Variants in COL24A1 observed in about 807,000 individuals in gnomAD.
COL24A1 encodes the protein collagen type XXIV alpha 1 chain, also known as collagen alpha-1(XXIV) chain.
COL24A1 carries 224 observed loss-of-function variants against 253.9 expected under a neutral mutation model. The observed-to-expected ratio is 0.88, with a 90% CI of 0.79 to 0.99. COL24A1 has a LOEUF of 0.99. Ranked by LOEUF, COL24A1 falls within the 50% of genes least tolerant of loss-of-function variation. The pLI is 0.00. For synonymous variants in COL24A1, 685 were observed against 673.7 expected, an observed-to-expected ratio of 1.02 and a Z score of -0.26; for missense variants, 2,131 against 2,068.5, an observed-to-expected ratio of 1.03 and a Z score of -0.59.
At chr1:85,767,142 C>G (rs1460157872) in intron 53 of COL24A1, among the ~76,000 whole-genome samples, 1 of 148,000 alleles carries the variant, frequency 6.8e-6, no homozygotes, top group East Asian at 2.0e-4. Flanking sequence ...ATAAGATTGA[C>G]AAACCAATTT....
chr1:85,887,165 T>C (rs1571085188), intron 32 of COL24A1, among the ~76,000 whole-genome samples: 1 of 152,340 alleles, frequency 6.6e-6, no homozygotes, highest in Non-Finnish European at 1.5e-5. Flanking sequence ...GAGTTAATTT[T>C]AGAGTACAGC....
chr1:85,856,314 T>G (rs1171951576), intron 37 of COL24A1, among the ~76,000 whole-genome samples: 3 of 152,144 alleles, frequency 2.0e-5, no homozygotes, highest in Non-Finnish European at 4.4e-5. Flanking sequence ...AACTTTTTAA[T>G]GTAGGTAGGT....
Position 86,103,892 on chromosome 1 carries a change from G to A in COL24A1, c.1599+8675C>T, listed in dbSNP as rs180990812. ...TGATCTTCTTGGGAGGTATCTTGCC[G>A]GGGTTCTCTGTATTTCCTAAATTTG... On this transcript the variant is annotated intron_variant, in intron 5 of 59. Transcript: ENST00000370571. Among the ~76,000 whole-genome samples, 783 of 152,196 alleles carry A rather than the reference G, an allele frequency of 5.1e-3. 4 individuals carry two copies. The highest frequency in any genetic ancestry group is 0.01 in the Middle Eastern group (3 of 294).
intron 24 of COL24A1, among the ~76,000 whole-genome samples, chr1:85,952,095 T>A (rs909273415): frequency 6.6e-5 from 10 of 152,176 alleles, no homozygotes; most frequent in Admixed American, 5.9e-4. Context: ...ATTCAAAATA[T>A]CTCAACCTGA....
At chr1:85,812,996 T>C (rs1672697286) in intron 47 of COL24A1, among the ~76,000 whole-genome samples, 2 of 152,224 alleles carry the variant, frequency 1.3e-5, no homozygotes. Flanking sequence ...ATACCTATTC[T>C]AGACATAGAT....
At chr1:85,990,100 C>T (rs1694111739) in intron 19 of COL24A1, among the ~76,000 whole-genome samples, 1 of 152,084 alleles carries the variant, frequency 6.6e-6, no homozygotes, top group African/African-American at 2.4e-5. Context: ...GTAGTTGCTG[C>T]TGTTGAATGA....
Position 85,925,098 on chromosome 1 carries a change from A to G in COL24A1, c.2563-13665T>C, listed in dbSNP as rs539596890. ...TTGCTTCAAAGAGAATAAAATACCT[A>G]GGAATCCAACTTACAAGGGATGTGA... On this transcript the variant is annotated intron_variant, in intron 24 of 59. Coordinates refer to ENST00000370571, the MANE Select transcript of COL24A1 (RefSeq NM_152890.7). Among the ~76,000 whole-genome samples, 3 of 152,318 alleles carry G rather than the reference A, an allele frequency of 2.0e-5. No individual in the cohort carries two copies. In the South Asian group the frequency reaches 6.2e-4, roughly 32 times the overall value.
chr1:85,745,051 A>G (rs1665060719), intron 56 of COL24A1, among the ~76,000 whole-genome samples: 1 of 152,066 alleles, frequency 6.6e-6, no homozygotes, highest in Non-Finnish European at 1.5e-5. Flanking sequence ...TCAAGCTAAC[A>G]TAAGAATTGC....
chr1:85,745,312 GT>G, intron 56 of COL24A1, 128 bp downstream of exon 56: 1 of 512,810 alleles, frequency 2.0e-6, no homozygotes. Flanking sequence ...CTTGAGAATG[GT>G]TTCACATTTT....
At chr1:85,852,453 C>T (rs1216837713) in intron 37 of COL24A1, among the ~76,000 whole-genome samples, 1 of 152,060 alleles carries the variant, frequency 6.6e-6, no homozygotes, top group African/African-American at 2.4e-5. Context: ...TTAATATTGG[C>T]CCTTTGGTTT....
intron 42 of COL24A1, among the ~76,000 whole-genome samples, chr1:85,840,899 T>C (rs1676537657): frequency 6.6e-6 from 1 of 152,054 alleles, no homozygotes. Flanking sequence ...ATTACAGAAA[T>C]ATGTATCCTA....
intron 2 of COL24A1, among the ~76,000 whole-genome samples, chr1:86,128,249 T>C (rs1386982440): frequency 6.6e-6 from 1 of 152,030 alleles, no homozygotes; most frequent in Non-Finnish European, 1.5e-5. Flanking sequence ...AATCAGCTAA[T>C]TGTACTCATC....
chr1:86,058,352 A>G (rs930220894), intron 9 of COL24A1, among the ~76,000 whole-genome samples: 1 of 151,296 alleles, frequency 6.6e-6, no homozygotes, highest in African/African-American at 2.4e-5. Context: ...CTTTAGATCA[A>G]TGTCCATATA....
intron 20 of COL24A1, among the ~76,000 whole-genome samples, chr1:85,975,471 T>C (rs1338604214): frequency 1.3e-5 from 2 of 152,112 alleles, no homozygotes; most frequent in Admixed American, 1.3e-4. Flanking sequence ...ACAACAAGGC[T>C]AGAATGGGAG....
At chr1:86,072,814 C>T (rs1047100716) in intron 7 of COL24A1, among the ~76,000 whole-genome samples, 3 of 152,184 alleles carry the variant, frequency 2.0e-5, no homozygotes, top group African/African-American at 7.2e-5. Flanking sequence ...TGCTGTTCTG[C>T]AGCCTTCACT....
At chr1:85,766,368 C>CAAAAAAAAAAAA (rs1319642983) in intron 53 of COL24A1, among the ~76,000 whole-genome samples, 1 of 66,290 alleles carries the variant, frequency 1.5e-5, no homozygotes, top group Non-Finnish European at 2.6e-5. Context: ...GACTCTGTCT[C>CAAAAAAAAAAAA]AAAAAAAAAA....
intron 20 of COL24A1, among the ~76,000 whole-genome samples, chr1:85,980,764 C>T (rs1693177500): frequency 1.3e-5 from 2 of 152,064 alleles, no homozygotes; most frequent in Admixed American, 6.5e-5. Context: ...AAAAAATTAG[C>T]CAGGCATGGT....
chr1:86,050,229 T>C, intron 10 of COL24A1, 52 bp from the exon 11 acceptor site: 2 of 1,494,348 alleles, frequency 1.3e-6, no homozygotes. Flanking sequence ...ATTCTCCCCA[T>C]AAGTGATTCT....
At chr1:86,086,047 A>G (rs975586285) in intron 7 of COL24A1, among the ~76,000 whole-genome samples, 29 of 152,106 alleles carry the variant, frequency 1.9e-4, no homozygotes, top group Admixed American at 1.6e-3. Flanking sequence ...ATTTCACATA[A>G]CTTTCTTGCA....
Sources: gnomAD v4.1 joint callset for allele counts (sites outside exome capture counted in the v4.1 genomes callset) on GRCh38, gnomAD v4.1.1 for gene constraint, MANE v1.5 for transcripts, NCBI Gene and HGNC (gene_info 2026-07-23, HGNC 2026-07-21) for gene names.